Variants in SGCD observed in about 807,000 individuals in gnomAD.
SGCD encodes delta-sarcoglycan.
Under a neutral mutation model 36.6 loss-of-function variants are expected in SGCD, and 18 were observed. That is an observed-to-expected ratio of 0.49 (90% CI 0.34 to 0.73). The LOEUF (loss-of-function observed/expected upper bound fraction) is 0.73, where lower values mean the gene tolerates loss of function less well. SGCD is among the 30% of genes least tolerant of loss of function. The probability of loss-of-function intolerance (pLI) is 0.01; values close to 1 mark genes in which losing one functional copy is unlikely to be tolerated. For synonymous variants in SGCD, 133 were observed against 130.6 expected, an observed-to-expected ratio of 1.02 and a Z score of -0.12; for missense variants, 387 against 346.7, an observed-to-expected ratio of 1.12 and a Z score of -0.92.
intron 1 of SGCD, among the ~76,000 whole-genome samples, chr5:156,050,680 G>T (rs1297204605): frequency 6.8e-6 from 1 of 146,534 alleles, no homozygotes; most frequent in Non-Finnish European, 1.5e-5. Flanking sequence ...CAGTTCTGGA[G>T]GTCAGAAGTC....
intron 6 of SGCD, among the ~76,000 whole-genome samples, chr5:156,643,120 C>T (rs867819741): frequency 6.7e-6 from 1 of 150,214 alleles, no homozygotes; most frequent in Non-Finnish European, 1.5e-5. Flanking sequence ...GCAACCTCCA[C>T]CTCCCGAGTT....
intron 6 of SGCD, among the ~76,000 whole-genome samples, chr5:156,620,707 G>C (rs1762210442): frequency 6.6e-6 from 1 of 152,216 alleles, no homozygotes; most frequent in South Asian, 2.1e-4. Flanking sequence ...GGTGGAATGA[G>C]CTGCCATCGT....
At chr5:155,901,802 A>C (rs955784221) in intron 1 of SGCD, among the ~76,000 whole-genome samples, 4 of 152,184 alleles carry the variant, frequency 2.6e-5, no homozygotes, top group Non-Finnish European at 5.9e-5. Flanking sequence ...TTCCATGCCT[A>C]CTTTAGCATT....
chr5:156,105,913 C>A (rs12518959), intron 1 of SGCD, among the ~76,000 whole-genome samples: 1 of 151,606 alleles, frequency 6.6e-6, no homozygotes, highest in Non-Finnish European at 1.5e-5. Context: ...GAGTTCAAGA[C>A]CTGCCTGGCG....
chr5:156,418,711 G>A (rs1773161463), intron 3 of SGCD, among the ~76,000 whole-genome samples: 1 of 152,160 alleles, frequency 6.6e-6, no homozygotes, highest in African/African-American at 2.4e-5. Flanking sequence ...TTAGGTGCAG[G>A]ACATTCAGAA....
intron 4 of SGCD, among the ~76,000 whole-genome samples, chr5:156,543,004 A>G (rs993120058): frequency 6.6e-6 from 1 of 152,172 alleles, no homozygotes; most frequent in Non-Finnish European, 1.5e-5. Context: ...AAACACAGAA[A>G]TCTGCATGAG....
chr5:156,722,306 C>T (rs576527853), intron 7 of SGCD, among the ~76,000 whole-genome samples: 1 of 152,228 alleles, frequency 6.6e-6, no homozygotes, highest in East Asian at 1.9e-4. Context: ...ACAAATTCTG[C>T]AAATGAAGGG....
chr5:155,873,635 A>T (rs1755705188), intron 1 of SGCD, among the ~76,000 whole-genome samples: 1 of 152,200 alleles, frequency 6.6e-6, no homozygotes, highest in African/African-American at 2.4e-5. Flanking sequence ...TTCACAGTGT[A>T]TCCACGTAAC....
At chr5:155,883,317 G>T (rs1045453789) in intron 1 of SGCD, among the ~76,000 whole-genome samples, 2 of 152,082 alleles carry the variant, frequency 1.3e-5, no homozygotes, top group Non-Finnish European at 2.9e-5. Flanking sequence ...TTACAACTTG[G>T]CTGTTTGGTG....
In SGCD at chr5:156,291,003, G is replaced by T. The variant is rs568055691; in HGVS notation, c.-43-38531G>T. The stretch of plus-strand genomic sequence containing the variant: ...AGGACCCCTGTGGATAACATAATCT[G>T]AGGATGCTCAGGTCTTAGAGCCGGC... On this transcript the variant is annotated intron_variant, in intron 3 of 9. Coordinates refer to the SGCD transcript ENST00000517913. Among the ~76,000 whole-genome samples the T allele has an allele frequency of 1.3e-3, 200 of 152,208 alleles. 1 individual carries two copies. Among genetic ancestry groups the T allele is most frequent in the African/African-American group, 4.7e-3 (195 of 41,542 alleles).
At chr5:156,571,622 A>G (rs1446325923) in intron 4 of SGCD, among the ~76,000 whole-genome samples, 2 of 152,258 alleles carry the variant, frequency 1.3e-5, no homozygotes, top group East Asian at 1.9e-4. Flanking sequence ...TGAGCTAAGC[A>G]CACAATCACA....
rs190487828 is a variant in SGCD at position 155,958,199 on chromosome 5, A to G, written c.-282+87775A>G. 1.6e-3 allele frequency among the ~76,000 whole-genome samples: 245 copies of G among 152,220 alleles called. 1 individual carries two copies. The highest frequency in any genetic ancestry group is 5.5e-3 in the African/African-American group (229 of 41,548). On this transcript the variant is annotated intron_variant, in intron 1 of 9. Coordinates refer to the SGCD transcript ENST00000517913. ...TGATGCTTATAAAAGTAGTTTTTAA[A>G]CTGTAAAGCACTGTATTAATGAAAG...
chr5:156,699,729 C>T (rs1019143002), intron 7 of SGCD, among the ~76,000 whole-genome samples: 1 of 151,838 alleles, frequency 6.6e-6, no homozygotes, highest in Non-Finnish European at 1.5e-5. Flanking sequence ...CGACAAGATC[C>T]ACAATCACTC....
At chr5:155,987,707 C>T (rs962846280) in intron 1 of SGCD, among the ~76,000 whole-genome samples, 10 of 152,114 alleles carry the variant, frequency 6.6e-5, no homozygotes, top group Admixed American at 5.9e-4. Flanking sequence ...CAGGCACTTT[C>T]CTGCTAAGTC....
At position 155,875,373 on chromosome 5, in the gene SGCD, A is replaced by C. The variant is rs554561726; in HGVS notation, c.-282+4949A>C. ...CAAAACTTCTAAAACTATACTTGTT[A>C]AATATATGCAGTTTCACATATGTCA... On this transcript the variant is annotated intron_variant, in intron 1 of 9. Coordinates refer to the SGCD transcript ENST00000517913. Among the ~76,000 whole-genome samples, 278 of 152,268 alleles carry C rather than the reference A, an allele frequency of 1.8e-3. 1 individual carries two copies. The highest frequency in any genetic ancestry group is 3.2e-3 in the Non-Finnish European group (216 of 68,006).
At chr5:156,031,589 G>A (rs1759349166) in intron 1 of SGCD, among the ~76,000 whole-genome samples, 1 of 152,168 alleles carries the variant, frequency 6.6e-6, no homozygotes, top group African/African-American at 2.4e-5. Flanking sequence ...AAAGCTCCCT[G>A]AGGATAATGT....
chr5:156,248,935 T>C (rs1207351633), intron 3 of SGCD, among the ~76,000 whole-genome samples: 2 of 152,202 alleles, frequency 1.3e-5, no homozygotes, highest in Non-Finnish European at 2.9e-5. Context: ...CCAAATGGAA[T>C]ACAGTTGTTG....
chr5:156,752,325 A>G (rs1408453962), intron 7 of SGCD, among the ~76,000 whole-genome samples: 1 of 152,200 alleles, frequency 6.6e-6, no homozygotes, highest in Non-Finnish European at 1.5e-5. Context: ...CAGGAAGAGG[A>G]GCTCAGGTTG....
chr5:156,139,408 T>C (rs140144769), intron 3 of SGCD, among the ~76,000 whole-genome samples: 44 of 152,310 alleles, frequency 2.9e-4, no homozygotes, highest in African/African-American at 1.0e-3. Context: ...AAAAGTTAGC[T>C]AGTTTCTTCT....
Sources: allele counts gnomAD v4.1 joint callset (sites outside exome capture counted in the v4.1 genomes callset), GRCh38; gene constraint gnomAD v4.1.1; transcripts MANE v1.5; gene names NCBI Gene and HGNC (gene_info 2026-07-23, HGNC 2026-07-21).